The following MED8 variants were observed in gnomAD, a reference collection of about 807,000 sequenced individuals.
The protein encoded by MED8 is mediator complex subunit 8.
A neutral mutation model predicts 34.8 loss-of-function variants in MED8; 22 were observed. The ratio of observed to expected loss-of-function variants is 0.63; its 90% CI spans 0.45 to 0.90. The LOEUF (loss-of-function observed/expected upper bound fraction) is 0.90, where lower values mean the gene tolerates loss of function less well. MED8 is among the 40% of genes least tolerant of loss of function. The pLI is 0.00. For synonymous variants in MED8, 105 were observed against 120.2 expected (o/e 0.87, Z 0.83); for missense variants, 260 against 326.3 (o/e 0.80, Z 1.57).
intron 2 of MED8, 100 bp downstream of exon 2, chr1:43,388,210 C>T (rs1207670363): frequency 1.8e-5 from 21 of 1,180,088 alleles, no homozygotes; most frequent in Non-Finnish European, 2.5e-5. Context: ...AAGATGTTTG[C>T]AAACTGATAA....
rs554161734 is a variant in MED8, at chr1:43,386,194, T to C, written c.526A>G (p.Thr176Ala). Residue 176 changes from threonine (T) to alanine (A), a missense_variant, in exon 6 of 7, where the codon ACA becomes GCA. Coordinates refer to ENST00000372457, the MANE Select transcript of MED8 (RefSeq NM_201542.5). The surrounding 1 kb of genome is among the most constrained non-coding windows in gnomAD (Gnocchi z 4.9). ...GCTGCCACCAAGGCATTAGTGTCTG[T>C]AGGGTTAAAGGTCTGCTTGTTCGGC... The part of the protein sequence containing the change: ...LRPNKQTFNP[T>A]DTNALVAAVA... 1.2e-6 allele frequency: 2 copies of C among 1,613,988 alleles called. No individual in the cohort carries two copies. The highest frequency in any genetic ancestry group is 1.1e-5 in the South Asian group (1 of 91,078).
rs1647633960 is a variant in MED8 at position 43,384,036 on chromosome 1, T to C, written c.*1006A>G. ...GTTAGCCTGAATGTCTAAATTCAAT[T>C]TGTTCAACTTTATAAAAGCAGGCAA... On this transcript the variant is annotated 3_prime_UTR_variant, in exon 7 of 7. Coordinates refer to ENST00000372457, the MANE Select transcript of MED8 (RefSeq NM_201542.5). The C allele has an allele frequency of 6.4e-6, 1 of 157,224 alleles. No individual in the cohort carries two copies. The allele number at this position is 157,224 out of a possible 1,614,324, so 9.7% of individuals were successfully genotyped here.
intron 1 of MED8, among the ~76,000 whole-genome samples, chr1:43,389,385 G>C (rs1391631869): frequency 3.3e-5 from 5 of 152,062 alleles, no homozygotes; most frequent in African/African-American, 4.8e-5. Flanking sequence ...CTGCTATATC[G>C]GCAACCAACA....
intron 1 of MED8, 158 bp from the exon 2 acceptor site, chr1:43,388,586 GTT>G (rs1332659003): frequency 7.9e-7 from 1 of 1,269,628 alleles, no homozygotes; most frequent in Non-Finnish European, 1.1e-6. Context: ...TGGTATTTGG[GTT>G]ATAGACAGCA....
Position 43,383,926 on chromosome 1 carries a change from A to G in MED8, c.*1116T>C, listed in dbSNP as rs1448567830. ...CCTGAGCCAGTGAACATCAATTTAAATAACTTTATTCAGAGGAATCCTTTG... is the reference window on the plus strand; with the variant it reads ...CCTGAGCCAGTGAACATCAATTTAAGTAACTTTATTCAGAGGAATCCTTTG... On this transcript the variant is annotated 3_prime_UTR_variant, in exon 7 of 7. Coordinates refer to ENST00000372457, the MANE Select transcript of MED8 (RefSeq NM_201542.5). 3.3e-5 allele frequency: 5 copies of G among 152,780 alleles called. No homozygotes were observed. The highest frequency in any genetic ancestry group is 3.3e-4 in the Admixed American group (5 of 15,292). The allele number at this position is 152,780 out of a possible 1,614,324, so 9.5% of individuals were successfully genotyped here.
At position 43,384,762 on chromosome 1, in the gene MED8, A is replaced by T; in HGVS notation, c.*280T>A. On this transcript the variant is annotated 3_prime_UTR_variant, in exon 7 of 7. Coordinates refer to ENST00000372457, the MANE Select transcript of MED8 (RefSeq NM_201542.5). ...TCATTTATTGAATACCCATTATTTC[A>T]TATACTGTACTAAGTGCTTTACATT... 1 of 1,427,154 alleles carries T rather than the reference A, an allele frequency of 7.0e-7. No homozygotes were observed. Among genetic ancestry groups the T allele is most frequent in the Non-Finnish European group, 9.1e-7 (1 of 1,094,390 alleles). The allele number at this position is 1,427,154 out of a possible 1,614,324, so 88.4% of individuals were successfully genotyped here.
At position 43,384,997 on chromosome 1, in the gene MED8, C is replaced by T. The variant is rs764471850; in HGVS notation, c.*45G>A. 1 of 1,545,328 alleles carries T rather than the reference C, an allele frequency of 6.5e-7. No individual in the cohort carries two copies. Among genetic ancestry groups the T allele is most frequent in the South Asian group, 1.2e-5 (1 of 83,018 alleles). On this transcript the variant is annotated 3_prime_UTR_variant, in exon 7 of 7. Coordinates refer to ENST00000372457, the MANE Select transcript of MED8 (RefSeq NM_201542.5). ...CTTGAGCAAAAGGTAATTTCACTGC[C>T]CAACTCTGCAAAGAGCACCAGGGAG... is the stretch of plus-strand genomic sequence containing the variant.
chr1:43,384,621 G>C lies in MED8; in HGVS notation c.*421C>G, dbSNP rs1647662302. ...TTTCTGGCAGCACAAAATAAGCATA[G>C]CCTTATTTGATCTTGTGTCCATCAG... On this transcript the variant is annotated 3_prime_UTR_variant, in exon 7 of 7. Transcript: ENST00000372457. 2 of 1,516,552 alleles carry C rather than the reference G, an allele frequency of 1.3e-6. No homozygotes were observed. The highest frequency in any genetic ancestry group is 2.3e-5 in the Admixed American group (1 of 42,750). The allele number at this position is 1,516,552 out of a possible 1,614,324, so 93.9% of individuals were successfully genotyped here.
intron 6 of MED8, chr1:43,385,313 G>A (rs976720775): frequency 1.6e-6 from 1 of 611,034 alleles, no homozygotes; most frequent in Non-Finnish European, 2.8e-6. Context: ...TGACATGGGA[G>A]AATAGTCTGT....
At chr1:43,388,695 C>A (rs1282742088) in intron 1 of MED8, 4 of 436,022 alleles carry the variant, frequency 9.2e-6, no homozygotes, top group East Asian at 4.3e-5. Context: ...CCTGGTTTTT[C>A]TCTGTGTTAG....
At chr1:43,389,649 G>A (rs1211522788) in intron 1 of MED8, 110 bp downstream of exon 1, 3 of 1,472,294 alleles carry the variant, frequency 2.0e-6, no homozygotes, top group South Asian at 1.3e-5. Flanking sequence ...ATCAGCCGTG[G>A]GTTCTGCCCT....
In MED8 at chr1:43,386,998, G is replaced by A. The variant is rs376646650; in HGVS notation, c.271C>T (p.Arg91Trp). 2.5e-5 allele frequency: 40 copies of A among 1,613,828 alleles called. No individual in the cohort carries two copies. Among genetic ancestry groups the A allele is most frequent in the East Asian group, 4.5e-5 (2 of 44,884 alleles). The change falls in exon 4 of 7, where the codon CGG (arginine) becomes TGG (tryptophan). Residue 91 changes from arginine (R) to tryptophan (W), a missense_variant and splice_region_variant. Transcript: ENST00000372457. This position sits in a 1 kb window ranked among gnomAD's most constrained non-coding sequence, Gnocchi z 4.9. The part of the protein sequence containing the change: ...LSPDRDEDLM[R>W]QTEGRVPVFS... ...ACAGGCACCCGTCCTTCAGTCTGCC[G>A]CTGTAACACACAGATTTTATTGATC...
chr1:43,384,329 C>G lies in MED8; in HGVS notation c.*713G>C. On this transcript the variant is annotated 3_prime_UTR_variant, in exon 7 of 7. Transcript: ENST00000372457. ...CCCACATAGTCCTGCCTGGCAGAGC[C>G]ACTTCCTGAGAAAGCCTCGTGTGTA... 7.7e-7 allele frequency: 1 copy of G among 1,300,436 alleles called. No homozygotes were observed. The highest frequency in any genetic ancestry group is 1.0e-6 in the Non-Finnish European group (1 of 971,360). The allele number at this position is 1,300,436 out of a possible 1,614,324, so 80.6% of individuals were successfully genotyped here.
rs777350402 is a variant in MED8 at position 43,385,947 on chromosome 1, G to A, written c.742+31C>T. The A allele has an allele frequency of 9.3e-6, 15 of 1,613,368 alleles. No homozygotes were observed. The African/African-American group carries it at 1.7e-4, about 19-fold the overall frequency. The stretch of plus-strand genomic sequence containing the variant: ...TTATTCCCTCCCACTCCTGCTCAAA[G>A]TCAGCTTCATTTCAACCCCTGCCAC... On this transcript the variant is annotated intron_variant, in intron 6 of 6. Coordinates refer to ENST00000372457, the MANE Select transcript of MED8 (RefSeq NM_201542.5).
intron 1 of MED8, 94 bp downstream of exon 1, chr1:43,389,665 C>A: frequency 6.5e-7 from 1 of 1,544,654 alleles, no homozygotes; most frequent in South Asian, 1.2e-5. Context: ...GCCCTCTCTT[C>A]TCAGTCCCAA....
chr1:43,385,755 T>C lies in MED8; in HGVS notation c.742+223A>G, dbSNP rs549946079. 4.2e-4 allele frequency: 255 copies of C among 604,372 alleles called. 3 individuals carry two copies. In the South Asian group the frequency reaches 4.5e-3, roughly 11 times the overall value. 37.4% of individuals were successfully genotyped at this position (604,372 alleles called of 1,614,324 possible). A position where few individuals can be genotyped will look rare whatever the true frequency, so the allele number is the denominator to read the frequency against. On this transcript the variant is annotated intron_variant, in intron 6 of 6. Coordinates refer to ENST00000372457, the MANE Select transcript of MED8 (RefSeq NM_201542.5). ...AGAGATGTGAGATGCGGATGAGAAA[T>C]TGGAGCAGTTTCTGTTACTCAAAGT...
intron 6 of MED8, 176 bp downstream of exon 6, chr1:43,385,802 T>C: frequency 3.2e-6 from 3 of 945,348 alleles, no homozygotes; most frequent in Non-Finnish European, 4.8e-6. Flanking sequence ...CTCTGGTGCC[T>C]GTTGCAGAGT....
intron 2 of MED8, among the ~76,000 whole-genome samples, chr1:43,387,901 T>C (rs1647790028): frequency 6.6e-6 from 1 of 152,014 alleles, no homozygotes; most frequent in African/African-American, 2.4e-5. Context: ...AGTGGCAAAA[T>C]AGGAACCAGG....
Position 43,386,352 on chromosome 1 carries a change from A to G in MED8, c.494-126T>C. 7.7e-7 allele frequency: 1 copy of G among 1,290,690 alleles called. No homozygotes were observed. Among genetic ancestry groups the G allele is most frequent in the Non-Finnish European group, 1.0e-6 (1 of 959,110 alleles). 80.0% of individuals were successfully genotyped at this position (1,290,690 alleles called of 1,614,324 possible). ...TTCAGCAACATCTAGACTCCCTCACAGCCCAGAAAAAGAGCCAGAGGACCC... is the reference window on the plus strand; with the variant it reads ...TTCAGCAACATCTAGACTCCCTCACGGCCCAGAAAAAGAGCCAGAGGACCC... On this transcript the variant is annotated intron_variant, in intron 5 of 6. Transcript: ENST00000372457. This position sits in a 1 kb window ranked among gnomAD's most constrained non-coding sequence, Gnocchi z 4.9.
Sources: allele counts gnomAD v4.1 joint callset (sites outside exome capture counted in the v4.1 genomes callset), GRCh38; gene constraint gnomAD v4.1.1; non-coding constraint Gnocchi (gnomAD v3.1); transcripts MANE v1.5; gene names NCBI Gene and HGNC (gene_info 2026-07-23, HGNC 2026-07-21).